Variants in ELFN2 observed in about 807,000 individuals in gnomAD.
The protein encoded by ELFN2 is protein phosphatase 1 regulatory subunit 29.
In ELFN2, 17 loss-of-function variants were observed where a neutral mutation model predicts 45.5. The ratio of observed to expected loss-of-function variants is 0.37; its 90% confidence interval spans 0.26 to 0.56. The LOEUF (loss-of-function observed/expected upper bound fraction) is 0.56. Ranked by LOEUF, ELFN2 falls within the 20% of genes least tolerant of loss-of-function variation. ELFN2 has a pLI of 0.77. For missense variants in ELFN2, 922 were observed against 1,183.2 expected (o/e 0.78, Z 3.24); for synonymous variants, 550 against 551.5 (o/e 1.00, Z 0.04).
In ELFN2 at chr22:37,372,935, C is replaced by T. The variant is rs1041967438; in HGVS notation, c.*137G>A. 1.1e-5 allele frequency: 10 copies of T among 896,338 alleles called. No individual in the cohort carries two copies. The highest frequency in any genetic ancestry group is 3.4e-4 in the Middle Eastern group (1 of 2,938). The allele number at this position is 896,338 out of a possible 1,614,324, so 55.5% of individuals were successfully genotyped here. On this transcript the variant is annotated 3_prime_UTR_variant, in exon 3 of 3. Coordinates refer to ENST00000402918, the MANE Select transcript of ELFN2 (RefSeq NM_052906.5). The surrounding 1 kb of genome is among the most constrained non-coding windows in gnomAD (Gnocchi z 4.4). ...TGGTGGTCAGGTGTGTGTGTGCGTG[C>T]GTGCGTGCGGGTCTGCATGTGCGTC...
chr22:37,387,098 C>T (rs1386995815), intron 2 of ELFN2, among the ~76,000 whole-genome samples: 1 of 152,200 alleles, frequency 6.6e-6, no homozygotes, highest in African/African-American at 2.4e-5. Flanking sequence ...CATTACCCAC[C>T]GCAACCATGA....
chr22:37,351,951 G>A lies in ELFN2; in HGVS notation n.149-9248C>T, dbSNP rs570697479. Reference sequence around the variant, plus strand: ...GCCTCACTCATCTTTGCGCCTGCCTGGCCCCCGAGTAGACTGGGCTGCCCA... The same window carrying A: ...GCCTCACTCATCTTTGCGCCTGCCTAGCCCCCGAGTAGACTGGGCTGCCCA... On this transcript the variant is annotated intron_variant and non_coding_transcript_variant, in intron 1 of 2. Transcript: ENST00000452946. 8.2e-3 allele frequency among the ~76,000 whole-genome samples: 1,234 copies of A among 150,962 alleles called. 70 individuals are homozygous for A. The highest frequency in any genetic ancestry group is 0.013 in the Non-Finnish European group (875 of 67,250).
At chr22:37,393,247 G>A (rs999595263) in intron 2 of ELFN2, among the ~76,000 whole-genome samples, 4 of 152,188 alleles carry the variant, frequency 2.6e-5, no homozygotes, top group South Asian at 2.1e-4. Flanking sequence ...CTTTCTCTGC[G>A]TGTCTTTTCT....
At chr22:37,395,583 C>T (rs144977362) in intron 2 of ELFN2, among the ~76,000 whole-genome samples, 113 of 152,288 alleles carry the variant, frequency 7.4e-4, no homozygotes, top group Middle Eastern at 3.4e-3. Context: ...GAGAGAGGCA[C>T]CCCTTGGCTG....
At chr22:37,361,027 C>G (rs1250610242) in intron 1 of ELFN2, among the ~76,000 whole-genome samples, 1 of 152,116 alleles carries the variant, frequency 6.6e-6, no homozygotes, top group African/African-American at 2.4e-5. Context: ...CGCCTTTAAC[C>G]CTCACCTGAA....
chr22:37,406,087 A>G (rs1932494378), intron 2 of ELFN2, among the ~76,000 whole-genome samples: 1 of 152,138 alleles, frequency 6.6e-6, no homozygotes, highest in Non-Finnish European at 1.5e-5. Flanking sequence ...GGCTGCAATG[A>G]GCCACGATTG....
chr22:37,378,430 T>C (rs1302017792), intron 2 of ELFN2, among the ~76,000 whole-genome samples: 1 of 152,176 alleles, frequency 6.6e-6, no homozygotes, highest in Non-Finnish European at 1.5e-5. Flanking sequence ...TCTGGAGCCT[T>C]GGGAAAGCCC....
chr22:37,415,691 G>A (rs542613697), intron 2 of ELFN2, among the ~76,000 whole-genome samples: 10 of 152,340 alleles, frequency 6.6e-5, no homozygotes, highest in African/African-American at 9.6e-5. Context: ...GGCCAGGCGC[G>A]GTGGCTCACG....
At chr22:37,393,710 C>A (rs144900024) in intron 2 of ELFN2, among the ~76,000 whole-genome samples, 2 of 152,180 alleles carry the variant, frequency 1.3e-5, no homozygotes, top group Non-Finnish European at 2.9e-5. Flanking sequence ...GCTCTGCACC[C>A]AGGCCTCGCT....
intron 1 of ELFN2, among the ~76,000 whole-genome samples, chr22:37,361,300 C>T (rs1042712026): frequency 2.0e-5 from 3 of 152,102 alleles, no homozygotes; most frequent in African/African-American, 7.2e-5. Flanking sequence ...AAGGAAGACA[C>T]TCCAAATGTA....
chr22:37,373,101 T>G lies in ELFN2; in HGVS notation c.2434A>C (p.Lys812Gln). ...EDLHDILDYW[K>Q]GVSAQQKL ...AGCTTCTGCTGGGCGGAGACCCCCT[T>G]CCAGTAATCAAGGATGTCATGCAGA... The change falls in exon 3 of 3, where the codon AAG becomes CAG. Residue 812 changes from lysine (K) to glutamine (Q), a missense_variant. Lys to Gln is a moderately conservative substitution (Grantham distance 53). Transcript: ENST00000402918. The G allele has an allele frequency of 6.2e-7, 1 of 1,604,914 alleles. No homozygotes were observed. The highest frequency in any genetic ancestry group is 8.5e-7 in the Non-Finnish European group (1 of 1,173,102).
chr22:37,408,460 T>C (rs1364703995), intron 2 of ELFN2, among the ~76,000 whole-genome samples: 2 of 152,218 alleles, frequency 1.3e-5, no homozygotes, highest in Non-Finnish European at 1.5e-5. Context: ...GCCAAGGAAG[T>C]GCTGTTAACC....
chr22:37,392,717 G>A (rs535257649), intron 2 of ELFN2, among the ~76,000 whole-genome samples: 11 of 152,274 alleles, frequency 7.2e-5, no homozygotes, highest in Middle Eastern at 3.4e-3. Context: ...GAAAGTGAGC[G>A]TGCTCCCCAC....
chr22:37,386,006 C>T (rs866444798), intron 2 of ELFN2, among the ~76,000 whole-genome samples: 9 of 152,150 alleles, frequency 5.9e-5, no homozygotes, highest in Non-Finnish European at 8.8e-5. Flanking sequence ...TGGCTCCATG[C>T]GGCCCCACTG....
intron 1 of ELFN2, among the ~76,000 whole-genome samples, chr22:37,360,519 C>T (rs1357802169): frequency 1.3e-5 from 2 of 152,206 alleles, no homozygotes; most frequent in Non-Finnish European, 2.9e-5. Flanking sequence ...GTGAAGTCCT[C>T]CAGTTAAGAG....
intron 1 of ELFN2, among the ~76,000 whole-genome samples, chr22:37,345,454 G>A (rs1377229162): frequency 2.0e-5 from 3 of 151,784 alleles, no homozygotes; most frequent in Non-Finnish European, 2.9e-5. Flanking sequence ...GGAGTCAAAC[G>A]CCCTGGCACA....
At position 37,378,839 on chromosome 22, in the gene ELFN2, G is replaced by T. The variant is rs115312795; in HGVS notation, c.-462-2843C>A. 3.8e-3 allele frequency among the ~76,000 whole-genome samples: 574 copies of T among 152,366 alleles called. 3 individuals are homozygous for T. The highest frequency in any genetic ancestry group is 0.013 in the African/African-American group (561 of 41,586). On this transcript the variant is annotated intron_variant, in intron 2 of 2. Coordinates refer to ENST00000402918, the MANE Select transcript of ELFN2 (RefSeq NM_052906.5). Reference sequence around the variant, plus strand: ...ACAGAGAGGCCAAGGCAGAGAAGGCGCTGACAGCAGCACTTGGCCCCTAGC... The same window carrying T: ...ACAGAGAGGCCAAGGCAGAGAAGGCTCTGACAGCAGCACTTGGCCCCTAGC...
At position 37,374,879 on chromosome 22, in the gene ELFN2, C is replaced by T. The variant is rs572323623; in HGVS notation, c.656G>A (p.Arg219Gln). ...NYDRLQCESP[R>Q]EFAGYPLLVP... The stretch of plus-strand genomic sequence containing the variant: ...CAGCAGCGGGTAGCCGGCAAACTCC[C>T]GCGGCGACTCACACTGCAGGCGGTC... Residue 219 changes from arginine to glutamine, a missense_variant, in exon 3 of 3, where the codon CGG becomes CAG. Coordinates refer to ENST00000402918, the MANE Select transcript of ELFN2 (RefSeq NM_052906.5). 6.1e-5 allele frequency: 98 copies of T among 1,610,366 alleles called. 3 individuals are homozygous for T. In the South Asian group the frequency reaches 1.0e-3, roughly 17 times the overall value.
At chr22:37,347,121 G>T (rs1333058621) in intron 1 of ELFN2, among the ~76,000 whole-genome samples, 1 of 152,082 alleles carries the variant, frequency 6.6e-6, no homozygotes, top group African/African-American at 2.4e-5. Context: ...TGGGATTTCA[G>T]GTGTGCGCCA....
Sources: allele counts gnomAD v4.1 joint callset (sites outside exome capture counted in the v4.1 genomes callset), GRCh38; gene constraint gnomAD v4.1.1; non-coding constraint Gnocchi (gnomAD v3.1); transcripts MANE v1.5; gene names NCBI Gene and HGNC (gene_info 2026-07-23, HGNC 2026-07-21).